Variants in ADAMTS14 observed in about 807,000 individuals in gnomAD.
ADAMTS14 encodes the protein ADAM metallopeptidase with thrombospondin type 1 motif 14.
A neutral mutation model predicts 128.6 loss-of-function variants in ADAMTS14; 100 were observed. The ratio of observed to expected loss-of-function variants is 0.78; its 90% CI spans 0.66 to 0.92. The LOEUF is 0.92. ADAMTS14 is among the 40% of genes least tolerant of loss of function. The pLI is 0.00. For synonymous variants in ADAMTS14, 665 were observed against 653.8 expected (o/e 1.02, Z -0.26); for missense variants, 1,562 against 1,658.6 (o/e 0.94, Z 1.01).
At chr10:70,709,570 G>A (rs988215688) in intron 4 of ADAMTS14, among the ~76,000 whole-genome samples, 4 of 124,032 alleles carry the variant, frequency 3.2e-5, no homozygotes, top group African/African-American at 1.3e-4. Flanking sequence ...GCACAATCTC[G>A]GCTCACTGCA....
chr10:70,760,916 C>T lies in ADAMTS14; in HGVS notation c.*63C>T, dbSNP rs1210839742. The T allele has an allele frequency of 6.7e-7, 1 of 1,499,276 alleles. No homozygotes were observed. Among genetic ancestry groups the T allele is most frequent in the East Asian group, 2.3e-5 (1 of 43,442 alleles). The allele number at this position is 1,499,276 out of a possible 1,614,324, so 92.9% of individuals were successfully genotyped here. A position where few individuals can be genotyped will look rare whatever the true frequency, so the allele number is the denominator to read the frequency against. On this transcript the variant is annotated 3_prime_UTR_variant, in exon 22 of 22. Transcript: ENST00000373207. ...GTGTACTGCCCCGTGACTCCCAGCT[C>T]AGAGGACACACATAGCAGGGCAGGC...
intron 13 of ADAMTS14, 86 bp downstream of exon 13, chr10:70,743,767 A>G: frequency 6.9e-7 from 1 of 1,450,698 alleles, no homozygotes; most frequent in Non-Finnish European, 9.1e-7. Flanking sequence ...GAAGATGAGC[A>G]TTGCCTCACC....
intron 3 of ADAMTS14, among the ~76,000 whole-genome samples, chr10:70,707,233 C>T (rs927894833): frequency 3.9e-5 from 6 of 152,220 alleles, no homozygotes; most frequent in South Asian, 2.1e-4. Context: ...ACCTACCCAC[C>T]GTCCATCCAT....
intron 2 of ADAMTS14, among the ~76,000 whole-genome samples, chr10:70,696,584 T>C (rs527341535): frequency 3.3e-5 from 5 of 151,546 alleles, no homozygotes; most frequent in African/African-American, 1.2e-4. Context: ...AGAGGGAAAG[T>C]GGGTGAGAGA....
Position 70,703,463 on chromosome 10 carries a change from C to T in ADAMTS14, c.679+995C>T, listed in dbSNP as rs1840557098. Reference sequence around the variant, plus strand: ...TGCATCCGTTGAAGCTCCAGTTGCTCTCCAAGTATCACTCATAAGAGAAGC... The same window carrying T: ...TGCATCCGTTGAAGCTCCAGTTGCTTTCCAAGTATCACTCATAAGAGAAGC... On this transcript the variant is annotated intron_variant, in intron 3 of 21. Coordinates refer to ENST00000373207, the MANE Select transcript of ADAMTS14 (RefSeq NM_080722.4). Among the ~76,000 whole-genome samples the T allele has an allele frequency of 2.0e-5, 3 of 152,186 alleles. No homozygotes were observed. In the South Asian group the frequency reaches 6.2e-4, roughly 32 times the overall value.
intron 1 of ADAMTS14, among the ~76,000 whole-genome samples, chr10:70,673,858 G>A (rs1445975724): frequency 6.6e-6 from 1 of 152,180 alleles, no homozygotes; most frequent in Non-Finnish European, 1.5e-5. Context: ...GGAGCATGGG[G>A]CCATGACCTC....
At position 70,735,265 on chromosome 10, in the gene ADAMTS14, C is replaced by A; in HGVS notation, c.1449C>A (p.Arg483=). The part of the protein sequence containing the change: ...GINYSMDEQC[R]FDFGSGYQTC... ...ACTACTCAATGGATGAGCAGTGCCG[C>A]TTTGACTTTGGCAGTGGCTACCAGA... The change falls in exon 9 of 22, where the codon CGC becomes CGA. Residue 483 remains arginine, a synonymous_variant. Transcript: ENST00000373207. 6.2e-7 allele frequency: 1 copy of A among 1,614,034 alleles called. No individual in the cohort carries two copies. Among genetic ancestry groups the A allele is most frequent in the Non-Finnish European group, 8.5e-7 (1 of 1,179,962 alleles).
Position 70,713,380 on chromosome 10 carries a change from A to G in ADAMTS14, c.870+4602A>G, listed in dbSNP as rs1840921572. On this transcript the variant is annotated intron_variant, in intron 4 of 21. Coordinates refer to ENST00000373207, the MANE Select transcript of ADAMTS14 (RefSeq NM_080722.4). ...GGGTTCTTGTGGTTGCAGGTGACAG[A>G]TCCAGCTCACACTAGCTGAAGCCAA... 2.6e-5 allele frequency among the ~76,000 whole-genome samples: 4 copies of G among 152,322 alleles called. No homozygotes were observed. In the South Asian group the frequency reaches 6.2e-4, roughly 24 times the overall value.
chr10:70,727,019 A>G (rs1033284664), intron 4 of ADAMTS14, among the ~76,000 whole-genome samples: 1 of 152,066 alleles, frequency 6.6e-6, no homozygotes, highest in Non-Finnish European at 1.5e-5. Context: ...TGGTCTTGCT[A>G]CTCAATTGGA....
At chr10:70,712,587 T>G (rs1305021745) in intron 4 of ADAMTS14, among the ~76,000 whole-genome samples, 1 of 152,072 alleles carries the variant, frequency 6.6e-6, no homozygotes, top group Admixed American at 6.5e-5. Flanking sequence ...AAAATTGATG[T>G]TGTGTAGGGT....
intron 17 of ADAMTS14, 62 bp from the exon 18 acceptor site, chr10:70,752,033 C>T: frequency 1.3e-6 from 2 of 1,564,712 alleles, no homozygotes; most frequent in Non-Finnish European, 1.7e-6. Flanking sequence ...GCCCCTGAGG[C>T]CCCACCAGGG....
At chr10:70,708,850 C>T in intron 4 of ADAMTS14, 72 bp downstream of exon 4, 1 of 1,186,928 alleles carries the variant, frequency 8.4e-7, no homozygotes, top group Non-Finnish European at 1.1e-6. Context: ...CACTGGGCCC[C>T]AGTGCTGATC....
intron 15 of ADAMTS14, among the ~76,000 whole-genome samples, 170 bp from the exon 16 acceptor site, chr10:70,749,652 T>G (rs1842290773): frequency 7.2e-6 from 1 of 138,428 alleles, no homozygotes; most frequent in Non-Finnish European, 1.6e-5. Flanking sequence ...CACGTGGGTT[T>G]GACAGGGAGC....
chr10:70,702,496 T>C lies in ADAMTS14; in HGVS notation c.679+28T>C, dbSNP rs768168228. The stretch of plus-strand genomic sequence containing the variant: ...AGGCTGTAGGTAGGGGCCTGTGTGC[T>C]GCTTCTCTCCCTACCTCTGGAGTGT... On this transcript the variant is annotated intron_variant, in intron 3 of 21. Transcript: ENST00000373207. The C allele has an allele frequency of 2.8e-5, 44 of 1,576,414 alleles. 1 individual carries two copies. The South Asian group carries it at 4.9e-4, about 18-fold the overall frequency.
chr10:70,741,674 G>A (rs1165238842), intron 12 of ADAMTS14, among the ~76,000 whole-genome samples: 2 of 152,186 alleles, frequency 1.3e-5, no homozygotes, highest in African/African-American at 2.4e-5. Context: ...TGGAAGGCAC[G>A]CAGATAGGAT....
chr10:70,689,018 C>T (rs567121743), intron 2 of ADAMTS14, among the ~76,000 whole-genome samples: 5 of 106,712 alleles, frequency 4.7e-5, no homozygotes, highest in South Asian at 5.8e-4. Context: ...CACATCCACC[C>T]CTTGAGGCTG....
chr10:70,706,937 G>A (rs1473480672), intron 3 of ADAMTS14, among the ~76,000 whole-genome samples: 7 of 152,214 alleles, frequency 4.6e-5, no homozygotes. Context: ...GACGGGGTCT[G>A]CACTCACTCG....
chr10:70,709,394 G>T (rs539514567), intron 4 of ADAMTS14, among the ~76,000 whole-genome samples: 1 of 151,298 alleles, frequency 6.6e-6, no homozygotes, highest in African/African-American at 2.4e-5. Flanking sequence ...TCACAGAAAA[G>T]CTAGTTTTTC....
At chr10:70,715,239 C>T (rs1266912170) in intron 4 of ADAMTS14, among the ~76,000 whole-genome samples, 1 of 152,172 alleles carries the variant, frequency 6.6e-6, no homozygotes, top group Non-Finnish European at 1.5e-5. Context: ...TGTTGGCTTT[C>T]AGATGTCTTC....
Sources: gnomAD v4.1 joint callset for allele counts (sites outside exome capture counted in the v4.1 genomes callset) on GRCh38, gnomAD v4.1.1 for gene constraint, MANE v1.5 for transcripts, NCBI Gene and HGNC (gene_info 2026-07-23, HGNC 2026-07-21) for gene names.